The following IMPA2 variants were observed in gnomAD, a reference collection of about 807,000 sequenced individuals.
IMPA2 encodes the protein IMP 2.
Under a neutral mutation model 35.1 loss-of-function variants are expected in IMPA2, and 32 were observed. The ratio of observed to expected loss-of-function variants is 0.91; its 90% CI spans 0.69 to 1.23. The LOEUF is 1.23. Among genes scored for constraint, IMPA2 ranks in the 50% most tolerant of loss-of-function variants. The probability of loss-of-function intolerance (pLI) is 0.00; values close to 1 mark genes in which losing one functional copy is unlikely to be tolerated. For missense variants in IMPA2, 334 were observed against 387.6 expected (o/e 0.86, Z 1.16); for synonymous variants, 135 against 160.6 (o/e 0.84, Z 1.20).
At chr18:11,999,218 G>T in intron 2 of IMPA2, 31 bp downstream of exon 2, 1 of 1,604,376 alleles carries the variant, frequency 6.2e-7, no homozygotes. Flanking sequence ...AACACCCCCA[G>T]TAACCCTGGC....
chr18:12,014,450 T>A, intron 5 of IMPA2, 77 bp downstream of exon 5: 1 of 860,470 alleles, frequency 1.2e-6, no homozygotes, highest in Non-Finnish European at 1.8e-6. Flanking sequence ...CACCATGATG[T>A]GGGACGGTGG....
Position 12,030,469 on chromosome 18 carries a change from G to C in IMPA2, c.*11G>C. 4.3e-6 allele frequency: 7 copies of C among 1,610,788 alleles called. No homozygotes were observed. The highest frequency in any genetic ancestry group is 5.9e-6 in the Non-Finnish European group (7 of 1,176,962). On this transcript the variant is annotated 3_prime_UTR_variant, in exon 8 of 8. Transcript: ENST00000269159. ...GATGATGAGAAGTGACTGCGGCTGAGGCAAAGCTGCTCCCAAGGCCTCCCT... is the reference window on the plus strand; with the variant it reads ...GATGATGAGAAGTGACTGCGGCTGACGCAAAGCTGCTCCCAAGGCCTCCCT...
At chr18:12,022,528 A>AAATATATAT (rs68185380) in intron 5 of IMPA2, among the ~76,000 whole-genome samples, 1,130 of 96,730 alleles carry the variant, frequency 0.012, 101 homozygotes, top group African/African-American at 0.012. Flanking sequence ...TCTCAAAAAG[A>AAATATATAT]ATATATATAT....
chr18:12,025,032 C>T (rs541171354), intron 5 of IMPA2, among the ~76,000 whole-genome samples: 4 of 152,298 alleles, frequency 2.6e-5, no homozygotes, highest in South Asian at 2.1e-4. Flanking sequence ...CCCCATGCTC[C>T]GCCTATTCTT....
intron 1 of IMPA2, chr18:11,993,942 C>G (rs1327333506): frequency 6.6e-6 from 1 of 152,260 alleles, no homozygotes. Context: ...AGGCTGGCCA[C>G]AGGGTCACCT....
rs1907962588 is a variant in IMPA2 at position 12,028,949 on chromosome 18, C to T, written c.707C>T (p.Thr236Ile). 1 of 1,613,912 alleles carries T rather than the reference C, an allele frequency of 6.2e-7. No homozygotes were observed. ...GLHCWDLAAA[T>I]VIIREAGGIV... is the part of the protein sequence containing the mutation. ...CACTGCTGGGATCTGGCGGCTGCCA[C>T]AGTCATCATCAGAGAAGCAGGCGGC... The change falls in exon 7 of 8, where the codon ACA (threonine) becomes ATA (isoleucine). Residue 236 changes from threonine (T) to isoleucine (I), a missense_variant. Physicochemically the swap from Thr to Ile is moderately conservative, Grantham distance 89. Coordinates refer to ENST00000269159, the MANE Select transcript of IMPA2 (RefSeq NM_014214.3).
chr18:12,012,288 C>A, intron 4 of IMPA2, 73 bp downstream of exon 4: 1 of 1,253,088 alleles, frequency 8.0e-7, no homozygotes. Context: ...CTGGCTTCAG[C>A]CTCTGTGCGC....
chr18:12,024,802 G>A (rs1162616051), intron 5 of IMPA2, among the ~76,000 whole-genome samples: 1 of 150,268 alleles, frequency 6.7e-6, no homozygotes, highest in African/African-American at 2.5e-5. Flanking sequence ...CAGCAAAATT[G>A]AGCAGAAGGT....
At chr18:12,027,990 A>T in intron 5 of IMPA2, 53 bp from the exon 6 acceptor site, 1 of 1,167,522 alleles carries the variant, frequency 8.6e-7, no homozygotes, top group Non-Finnish European at 1.3e-6. Context: ...TGTACTCCTT[A>T]GTTAGAACCA....
intron 1 of IMPA2, among the ~76,000 whole-genome samples, chr18:11,983,041 T>C (rs960612511): frequency 6.6e-6 from 1 of 152,208 alleles, no homozygotes; most frequent in Non-Finnish European, 1.5e-5. Context: ...AAAATTAATC[T>C]GCAATACTAA....
chr18:11,983,330 G>A (rs2143769412), intron 1 of IMPA2, among the ~76,000 whole-genome samples: 1 of 152,268 alleles, frequency 6.6e-6, no homozygotes, highest in South Asian at 2.1e-4. Context: ...TCCAGAGCAA[G>A]CATCAGCCAG....
At chr18:12,001,242 A>G (rs1907108281) in intron 2 of IMPA2, among the ~76,000 whole-genome samples, 1 of 152,112 alleles carries the variant, frequency 6.6e-6, no homozygotes, top group Admixed American at 6.5e-5. Flanking sequence ...AAATAAATAA[A>G]TAAACCTAAT....
intron 1 of IMPA2, chr18:11,994,266 C>A (rs563002724): frequency 6.6e-6 from 1 of 151,762 alleles, no homozygotes; most frequent in Non-Finnish European, 1.5e-5. Context: ...GTTGCAGCTA[C>A]TGGGGAGGCT....
chr18:12,012,331 G>A (rs1441008529), intron 4 of IMPA2, 116 bp downstream of exon 4: 3 of 839,572 alleles, frequency 3.6e-6, no homozygotes, highest in East Asian at 4.9e-5. Context: ...CCTTAATCAT[G>A]ACTGGCAAAT....
At chr18:12,012,567 A>T (rs573547162) in intron 4 of IMPA2, among the ~76,000 whole-genome samples, 25 of 152,310 alleles carry the variant, frequency 1.6e-4, no homozygotes, top group Non-Finnish European at 3.5e-4. Context: ...TAAAAGGAGC[A>T]CTTAGTTTTG....
Position 12,010,077 on chromosome 18 carries a change from C to T in IMPA2, c.335+90C>T. ...TTTTCAAAAGCAGCATTTTTTAAGG[C>T]AGGAATATATAAACAAACCTATAGT... On this transcript the variant is annotated intron_variant, in intron 3 of 7. Transcript: ENST00000269159. This position sits in a 1 kb window ranked among gnomAD's most constrained non-coding sequence, Gnocchi z 4.8. 1.1e-6 allele frequency: 1 copy of T among 910,324 alleles called. No homozygotes were observed. Among genetic ancestry groups the T allele is most frequent in the South Asian group, 1.4e-5 (1 of 73,534 alleles). 56.4% of individuals were successfully genotyped at this position (910,324 alleles called of 1,614,324 possible).
chr18:12,012,446 G>A, intron 4 of IMPA2: 1 of 565,426 alleles, frequency 1.8e-6, no homozygotes, highest in Non-Finnish European at 3.2e-6. Flanking sequence ...GTGGAGGGCT[G>A]GCCTCGTGTC....
intron 2 of IMPA2, among the ~76,000 whole-genome samples, chr18:12,001,384 C>T (rs1204419578): frequency 1.3e-5 from 2 of 152,082 alleles, no homozygotes; most frequent in Non-Finnish European, 2.9e-5. Context: ...CGGTGATGAT[C>T]CGTGTGGCCG....
chr18:12,021,247 G>T (rs1907720783), intron 5 of IMPA2, among the ~76,000 whole-genome samples: 1 of 152,106 alleles, frequency 6.6e-6, no homozygotes, highest in African/African-American at 2.4e-5. Context: ...TTAAAAATTA[G>T]CTGGGTGTGG....
Sources: gnomAD v4.1 joint callset for allele counts (sites outside exome capture counted in the v4.1 genomes callset) on GRCh38, gnomAD v4.1.1 for gene constraint, Gnocchi (gnomAD v3.1) non-coding constraint, MANE v1.5 for transcripts, NCBI Gene and HGNC (gene_info 2026-07-23, HGNC 2026-07-21) for gene names.